RFTN1: variants seen among roughly 807,000 people sequenced by gnomAD.
The protein encoded by RFTN1 is raftlin, lipid raft linker 1, also known as raftlin.
Under a neutral mutation model 46.5 loss-of-function variants are expected in RFTN1, and 26 were observed. That is an observed-to-expected ratio of 0.56 (90% CI 0.41 to 0.78). RFTN1 has a LOEUF of 0.78. Ranked by LOEUF, RFTN1 falls within the 30% of genes least tolerant of loss-of-function variation. The pLI, the probability that RFTN1 is intolerant of heterozygous loss-of-function variation, is 0.00. For synonymous variants in RFTN1, 261 were observed against 284.2 expected, an observed-to-expected ratio of 0.92 and a Z score of 0.82; for missense variants, 693 against 718.7, an observed-to-expected ratio of 0.96 and a Z score of 0.41.
intron 2 of RFTN1, chr3:16,472,689 C>CCA (rs1200690011): frequency 6.6e-6 from 1 of 152,202 alleles, no homozygotes; most frequent in Non-Finnish European, 1.5e-5. Context: ...GTTATGTTTC[C>CCA]CACTCCAGGA....
In RFTN1 at chr3:16,316,530, C is replaced by T. The variant is rs2068413716; in HGVS notation, c.*298G>A. On this transcript the variant is annotated 3_prime_UTR_variant, in exon 10 of 10. Coordinates refer to ENST00000334133, the MANE Select transcript of RFTN1 (RefSeq NM_015150.2). The surrounding 1 kb of genome is among the most constrained non-coding windows in gnomAD (Gnocchi z 4.5). Reference sequence around the variant, plus strand: ...AGGACAGGCACTGGATGGTCCAGACCCTCTGGCTGGAGGAGTGGTGGAGCC... The same window carrying T: ...AGGACAGGCACTGGATGGTCCAGACTCTCTGGCTGGAGGAGTGGTGGAGCC... 4.5e-6 allele frequency: 2 copies of T among 440,676 alleles called. No homozygotes were observed. Among genetic ancestry groups the T allele is most frequent in the Admixed American group, 8.1e-5 (2 of 24,812 alleles). The allele number at this position is 440,676 out of a possible 1,614,324, so 27.3% of individuals were successfully genotyped here.
In RFTN1 at chr3:16,450,448, A is replaced by G. The variant is rs11706034; in HGVS notation, c.146-16411T>C. Among the ~76,000 whole-genome samples the G allele has an allele frequency of 0.17, 26,609 of 152,190 alleles. 2,573 individuals are homozygous for G. Among genetic ancestry groups the G allele is most frequent in the East Asian group, 0.27 (1,413 of 5,178 alleles). ...CAGGTAGGATAAGAGCCTGAGGCCC[A>G]TCCAAGGGCTCTCTCCCACTGCACC... On this transcript the variant is annotated intron_variant, in intron 2 of 9. Coordinates refer to ENST00000334133, the MANE Select transcript of RFTN1 (RefSeq NM_015150.2). The surrounding 1 kb of genome is among the most constrained non-coding windows in gnomAD (Gnocchi z 4.6).
At chr3:16,486,593 T>C (rs59112864) in intron 2 of RFTN1, among the ~76,000 whole-genome samples, 1 of 152,016 alleles carries the variant, frequency 6.6e-6, no homozygotes, top group African/African-American at 2.4e-5. Context: ...CAACTGTCCC[T>C]GGCACCAAAT....
intron 6 of RFTN1, among the ~76,000 whole-genome samples, chr3:16,363,853 G>A (rs768249380): frequency 6.7e-5 from 3 of 44,782 alleles, no homozygotes; most frequent in Admixed American, 3.2e-4. Context: ...CAGGATTCTT[G>A]GCACCACCTT....
chr3:16,425,192 T>C lies in RFTN1; in HGVS notation c.332+8659A>G, dbSNP rs999056649. 2.6e-5 allele frequency among the ~76,000 whole-genome samples: 4 copies of C among 152,246 alleles called. No individual in the cohort carries two copies. Among genetic ancestry groups the C allele is most frequent in the African/African-American group, 9.6e-5 (4 of 41,464 alleles). ...CAAAATCATGTCCCTGTAGTCTACC[T>C]TGCAATGCTACCAAATAAATCTTCC... On this transcript the variant is annotated intron_variant, in intron 3 of 9. Coordinates refer to ENST00000334133, the MANE Select transcript of RFTN1 (RefSeq NM_015150.2). The surrounding 1 kb of genome is among the most constrained non-coding windows in gnomAD (Gnocchi z 4.3).
chr3:16,454,718 C>A, intron 2 of RFTN1: 3 of 975,864 alleles, frequency 3.1e-6, no homozygotes, highest in Non-Finnish European at 3.7e-6. Context: ...CTAGAAGAGA[C>A]TTCTTCAACC....
At chr3:16,399,177 T>C (rs2074544277) in intron 4 of RFTN1, among the ~76,000 whole-genome samples, 1 of 152,106 alleles carries the variant, frequency 6.6e-6, no homozygotes, top group Non-Finnish European at 1.5e-5. Context: ...TGGTCAGATA[T>C]TAAAACCAAT....
chr3:16,438,010 A>T (rs149506211), intron 2 of RFTN1, among the ~76,000 whole-genome samples: 2 of 152,088 alleles, frequency 1.3e-5, no homozygotes, highest in East Asian at 3.9e-4. Flanking sequence ...GCACGTTGTC[A>T]ATCAAACCTA....
intron 2 of RFTN1, among the ~76,000 whole-genome samples, chr3:16,476,246 T>C (rs760979659): frequency 3.9e-5 from 6 of 152,230 alleles, no homozygotes. Context: ...TACAGAAAGC[T>C]GGTGTGCATG....
chr3:16,369,353 A>C (rs2125359428), intron 6 of RFTN1, among the ~76,000 whole-genome samples: 1 of 152,380 alleles, frequency 6.6e-6, no homozygotes, highest in African/African-American at 2.4e-5. Flanking sequence ...AATCCTGCTG[A>C]CTGGCAGTCC....
intron 1 of RFTN1, among the ~76,000 whole-genome samples, chr3:16,510,081 C>A (rs1453944385): frequency 6.6e-6 from 1 of 152,176 alleles, no homozygotes; most frequent in African/African-American, 2.4e-5. Flanking sequence ...GGGCACAGGC[C>A]CATTTTCCCA....
rs1048701381 is a variant in RFTN1 at position 16,400,865 on chromosome 3, G to C, written c.441+8510C>G. On this transcript the variant is annotated intron_variant, in intron 4 of 9. Transcript: ENST00000334133. The surrounding 1 kb of genome is among the most constrained non-coding windows in gnomAD (Gnocchi z 4.5). ...AGCTCCTGCATTTTTTCCTCCATTA[G>C]GAACATCTAAGCCTGTAACCTTCCT... is the stretch of plus-strand genomic sequence containing the variant. 3.3e-5 allele frequency among the ~76,000 whole-genome samples: 5 copies of C among 150,632 alleles called. No homozygotes were observed. Among genetic ancestry groups the C allele is most frequent in the African/African-American group, 9.7e-5 (4 of 41,344 alleles).
intron 9 of RFTN1, among the ~76,000 whole-genome samples, chr3:16,318,318 C>T (rs56306506): frequency 0.15 from 23,269 of 152,052 alleles, 1,842 homozygotes; most frequent in African/African-American, 0.19. Flanking sequence ...TCACCAAATA[C>T]GCACTTAAAT....
rs772384407 is a variant in RFTN1, at chr3:16,344,204, A to G, written c.1146+13728T>C. On this transcript the variant is annotated intron_variant, in intron 7 of 9. Coordinates refer to ENST00000334133, the MANE Select transcript of RFTN1 (RefSeq NM_015150.2). This position sits in a 1 kb window ranked among gnomAD's most constrained non-coding sequence, Gnocchi z 4.4. ...TTTGTTGATACTTAAATGTATTCCT[A>G]TTACATTTTATTGGGCTGGTTTTTG... Among the ~76,000 whole-genome samples the G allele has an allele frequency of 6.6e-6, 1 of 152,182 alleles. No individual in the cohort carries two copies. Among genetic ancestry groups the G allele is most frequent in the Non-Finnish European group, 1.5e-5 (1 of 68,030 alleles).
chr3:16,365,964 A>G (rs1260636251), intron 6 of RFTN1, among the ~76,000 whole-genome samples: 3 of 152,236 alleles, frequency 2.0e-5, no homozygotes, highest in African/African-American at 7.2e-5. Context: ...TCTGGTTTGG[A>G]TAATCAGCTG....
intron 1 of RFTN1, among the ~76,000 whole-genome samples, chr3:16,494,469 C>T (rs1012800985): frequency 6.6e-6 from 1 of 152,180 alleles, no homozygotes; most frequent in Non-Finnish European, 1.5e-5. Context: ...TTAGACCAAA[C>T]TGCAGGAAAT....
At chr3:16,476,982 C>T (rs1047582536) in intron 2 of RFTN1, among the ~76,000 whole-genome samples, 1 of 152,178 alleles carries the variant, frequency 6.6e-6, no homozygotes, top group Non-Finnish European at 1.5e-5. Flanking sequence ...TTTCTCTCCA[C>T]AGGGAGGCTG....
At position 16,451,023 on chromosome 3, in the gene RFTN1, G is replaced by GA. The variant is rs2075814343; in HGVS notation, c.146-16987dup. On this transcript the variant is annotated intron_variant, in intron 2 of 9. Coordinates refer to ENST00000334133, the MANE Select transcript of RFTN1 (RefSeq NM_015150.2). This position sits in a 1 kb window ranked among gnomAD's most constrained non-coding sequence, Gnocchi z 4.2. Reference sequence around the variant, plus strand: ...AACGGAGAACTCTGGACTGGGGATAGAAAACGGAGGCTCACGTACCTGTGC... The same window carrying GA: ...AACGGAGAACTCTGGACTGGGGATAGAAAAACGGAGGCTCACGTACCTGTGC... Among the ~76,000 whole-genome samples the GA allele has an allele frequency of 1.3e-5, 2 of 152,206 alleles. No individual in the cohort carries two copies. The highest frequency in any genetic ancestry group is 4.1e-4 in the South Asian group (2 of 4,830).
intron 2 of RFTN1, among the ~76,000 whole-genome samples, chr3:16,464,657 C>G (rs1368643887): frequency 6.6e-6 from 1 of 152,238 alleles, no homozygotes; most frequent in Non-Finnish European, 1.5e-5. Context: ...GCCCACAGGC[C>G]AAGTCCAGCC....
Sources: allele counts gnomAD v4.1 joint callset (sites outside exome capture counted in the v4.1 genomes callset), GRCh38; gene constraint gnomAD v4.1.1; non-coding constraint Gnocchi (gnomAD v3.1); transcripts MANE v1.5; gene names NCBI Gene and HGNC (gene_info 2026-07-23, HGNC 2026-07-21).